Variants in KCNQ3 observed in about 807,000 individuals in gnomAD.
KCNQ3 encodes the protein potassium voltage-gated channel subfamily KQT member 3.
Under a neutral mutation model 92.5 loss-of-function variants are expected in KCNQ3, and 30 were observed. The observed-to-expected ratio is 0.32, with a 90% CI of 0.24 to 0.44. KCNQ3 has a LOEUF of 0.44. Ranked by LOEUF, KCNQ3 falls within the 20% of genes least tolerant of loss-of-function variation. KCNQ3 has a pLI of 1.00. For synonymous variants in KCNQ3, 450 were observed against 468.8 expected (o/e 0.96, Z 0.52); for missense variants, 913 against 1,140.3 (o/e 0.80, Z 2.87).
chr8:132,221,394 G>C (rs1814229370), intron 1 of KCNQ3, among the ~76,000 whole-genome samples: 1 of 152,206 alleles, frequency 6.6e-6, no homozygotes, highest in African/African-American at 2.4e-5. Context: ...CTGCCACACT[G>C]TCTTCCACAA....
chr8:132,274,151 T>C (rs1816250180), intron 1 of KCNQ3, among the ~76,000 whole-genome samples: 1 of 152,132 alleles, frequency 6.6e-6, no homozygotes, highest in Non-Finnish European at 1.5e-5. Flanking sequence ...GATAAAGACA[T>C]ACCAGAGACT....
intron 9 of KCNQ3, among the ~76,000 whole-genome samples, chr8:132,155,590 G>A (rs1351937975): frequency 6.6e-6 from 1 of 152,222 alleles, no homozygotes; most frequent in Non-Finnish European, 1.5e-5. Flanking sequence ...CTGAAGCACA[G>A]TGAAGTCTGT....
chr8:132,352,706 C>T lies in KCNQ3; in HGVS notation c.386+127441G>A, dbSNP rs570731575. 5.3e-4 allele frequency among the ~76,000 whole-genome samples: 81 copies of T among 152,272 alleles called. No individual in the cohort carries two copies. In the South Asian group the frequency reaches 0.01, roughly 19 times the overall value. On this transcript the variant is annotated intron_variant, in intron 1 of 14. Transcript: ENST00000388996. Reference sequence around the variant, plus strand: ...TATTTTTCATTTTTTATGGAGATTACGCTATTTTAACACTGTTGTGGCAAA... The same window carrying T: ...TATTTTTCATTTTTTATGGAGATTATGCTATTTTAACACTGTTGTGGCAAA...
At chr8:132,177,183 C>T (rs1357138714) in intron 4 of KCNQ3, among the ~76,000 whole-genome samples, 1 of 152,192 alleles carries the variant, frequency 6.6e-6, no homozygotes, top group East Asian at 1.9e-4. Flanking sequence ...TTTCTGTGTG[C>T]ACATAAAAAC....
At chr8:132,332,595 G>A (rs977288176) in intron 1 of KCNQ3, among the ~76,000 whole-genome samples, 2 of 152,162 alleles carry the variant, frequency 1.3e-5, no homozygotes, top group African/African-American at 4.8e-5. Flanking sequence ...TTCACTCCTA[G>A]CCACACTTTT....
intron 9 of KCNQ3, among the ~76,000 whole-genome samples, chr8:132,159,784 G>A (rs1281034423): frequency 1.3e-5 from 2 of 152,152 alleles, no homozygotes; most frequent in African/African-American, 2.4e-5. Flanking sequence ...CTCAGTTTAA[G>A]TTGGGTGGAA....
chr8:132,227,908 T>C (rs1354655340), intron 1 of KCNQ3, among the ~76,000 whole-genome samples: 8 of 152,068 alleles, frequency 5.3e-5, no homozygotes, highest in Non-Finnish European at 1.0e-4. Flanking sequence ...TTCTGTGAAG[T>C]TGGTGCTGTT....
intron 1 of KCNQ3, among the ~76,000 whole-genome samples, chr8:132,289,438 T>C (rs138338763): frequency 1.3e-5 from 2 of 152,282 alleles, no homozygotes; most frequent in African/African-American, 4.8e-5. Flanking sequence ...AATCCTTCCT[T>C]GTCTCTTCCA....
intron 1 of KCNQ3, among the ~76,000 whole-genome samples, chr8:132,460,127 C>T (rs1256713982): frequency 2.0e-5 from 3 of 152,086 alleles, no homozygotes. Flanking sequence ...ATATTTCCTG[C>T]CCCATCCTAG....
chr8:132,279,167 G>A (rs1283867413), intron 1 of KCNQ3, among the ~76,000 whole-genome samples: 2 of 152,140 alleles, frequency 1.3e-5, no homozygotes, highest in Non-Finnish European at 2.9e-5. Flanking sequence ...GCAGTGAGCC[G>A]AGATTGTGCC....
At chr8:132,445,969 C>T (rs1246039610) in intron 1 of KCNQ3, among the ~76,000 whole-genome samples, 1 of 152,098 alleles carries the variant, frequency 6.6e-6, no homozygotes, top group Non-Finnish European at 1.5e-5. Context: ...TCTTACATGC[C>T]CATATGCCCG....
intron 1 of KCNQ3, among the ~76,000 whole-genome samples, chr8:132,459,121 T>C (rs1363607097): frequency 1.3e-5 from 2 of 152,192 alleles, no homozygotes; most frequent in Non-Finnish European, 2.9e-5. Context: ...TTGCAATTCA[T>C]ATGATTTTTC....
At chr8:132,306,803 GA>G (rs1817438654) in intron 1 of KCNQ3, among the ~76,000 whole-genome samples, 1 of 152,184 alleles carries the variant, frequency 6.6e-6, no homozygotes, top group Admixed American at 6.5e-5. Context: ...ATTTCTGGGG[GA>G]AAAGTAATGG....
At chr8:132,162,200 G>T (rs1305120745) in intron 9 of KCNQ3, among the ~76,000 whole-genome samples, 1 of 152,182 alleles carries the variant, frequency 6.6e-6, no homozygotes, top group Non-Finnish European at 1.5e-5. Flanking sequence ...AATTAAACCG[G>T]AAGTGCTGAA....
At chr8:132,223,196 G>A (rs541887605) in intron 1 of KCNQ3, among the ~76,000 whole-genome samples, 1 of 151,708 alleles carries the variant, frequency 6.6e-6, no homozygotes, top group South Asian at 2.1e-4. Context: ...AGGAAGAAAG[G>A]AAGGATGGAA....
chr8:132,355,450 C>T (rs1448003984), intron 1 of KCNQ3, among the ~76,000 whole-genome samples: 1 of 152,036 alleles, frequency 6.6e-6, no homozygotes, highest in Non-Finnish European at 1.5e-5. Context: ...CAGAATAGTT[C>T]ACTCTCTGTC....
At chr8:132,380,352 A>G (rs2130753216) in intron 1 of KCNQ3, among the ~76,000 whole-genome samples, 1 of 152,316 alleles carries the variant, frequency 6.6e-6, no homozygotes, top group African/African-American at 2.4e-5. Context: ...AGAAAGAGGC[A>G]AGCATCTCAA....
intron 1 of KCNQ3, among the ~76,000 whole-genome samples, chr8:132,278,488 C>A (rs1268990034): frequency 6.6e-6 from 1 of 152,154 alleles, no homozygotes; most frequent in Non-Finnish European, 1.5e-5. Flanking sequence ...TTTCCCACGA[C>A]AGTTTATTTT....
intron 1 of KCNQ3, among the ~76,000 whole-genome samples, chr8:132,328,447 G>A (rs551898074): frequency 2.6e-4 from 40 of 152,248 alleles, no homozygotes; most frequent in African/African-American, 8.7e-4. Context: ...CTATAGGTGT[G>A]TGCTCAGGGA....
Sources: allele counts gnomAD v4.1 joint callset (sites outside exome capture counted in the v4.1 genomes callset), GRCh38; gene constraint gnomAD v4.1.1; transcripts MANE v1.5; gene names NCBI Gene and HGNC (gene_info 2026-07-23, HGNC 2026-07-21).